Variants in TBCB observed in about 807,000 individuals in gnomAD.
TBCB encodes the protein tubulin-folding cofactor B.
Under a neutral mutation model 29.2 loss-of-function variants are expected in TBCB, and 18 were observed. The ratio of observed to expected loss-of-function variants is 0.62; its 90% CI spans 0.43 to 0.91. The LOEUF (loss-of-function observed/expected upper bound fraction) is 0.91, where lower values mean the gene tolerates loss of function less well. Among genes scored for constraint, TBCB ranks in the 40% least tolerant of loss-of-function variants. The probability of loss-of-function intolerance (pLI) is 0.00; values close to 1 mark genes in which losing one functional copy is unlikely to be tolerated. For synonymous variants in TBCB, 172 were observed against 137.8 expected, an observed-to-expected ratio of 1.25 and a Z score of -1.74; for missense variants, 336 against 337.6, an observed-to-expected ratio of 1.00 and a Z score of 0.04.
Position 36,115,468 on chromosome 19 carries a change from G to A in TBCB, c.-93G>A. On this transcript the variant is annotated 5_prime_UTR_variant, in exon 1 of 6. Coordinates refer to ENST00000221855, the MANE Select transcript of TBCB (RefSeq NM_001281.3). ...GGTCAGGCACGGAGCAGGAGGCGGG[G>A]CTGATAGCCCAGCAGCAGCAGCGGC... The A allele has an allele frequency of 1.0e-6, 1 of 966,316 alleles. No homozygotes were observed. Among genetic ancestry groups the A allele is most frequent in the South Asian group, 1.5e-5 (1 of 65,874 alleles). The allele number at this position is 966,316 out of a possible 1,614,324, so 59.9% of individuals were successfully genotyped here.
intron 4 of TBCB, among the ~76,000 whole-genome samples, chr19:36,123,018 T>C (rs976706334): frequency 6.6e-6 from 1 of 152,148 alleles, no homozygotes; most frequent in Non-Finnish European, 1.5e-5. Context: ...ATTTGCCGAT[T>C]CTGGATGTTT....
chr19:36,118,035 G>A (rs1264069838), intron 2 of TBCB: 2 of 152,160 alleles, frequency 1.3e-5, no homozygotes, highest in Non-Finnish European at 2.9e-5. Context: ...CAAAGTGCTG[G>A]GATTACAGGC....
At position 36,116,210 on chromosome 19, in the gene TBCB, C is replaced by G. The variant is rs200481198; in HGVS notation, c.258+26C>G. 5 of 1,607,740 alleles carry G rather than the reference C, an allele frequency of 3.1e-6. No individual in the cohort carries two copies. The African/African-American group carries it at 6.7e-5, about 21-fold the overall frequency. ...GTGAGGACTCTCTATCTGGGACACTCCCCCACCCCACCTTTCATTTGGTTA... is the reference window on the plus strand; with the variant it reads ...GTGAGGACTCTCTATCTGGGACACTGCCCCACCCCACCTTTCATTTGGTTA... On this transcript the variant is annotated intron_variant, in intron 2 of 5. Coordinates refer to ENST00000221855, the MANE Select transcript of TBCB (RefSeq NM_001281.3).
chr19:36,117,416 C>G (rs1008162772), intron 2 of TBCB, among the ~76,000 whole-genome samples: 2 of 152,224 alleles, frequency 1.3e-5, no homozygotes, highest in Admixed American at 6.5e-5. Context: ...GTGATCTCAG[C>G]TCACTGCAAC....
intron 3 of TBCB, among the ~76,000 whole-genome samples, chr19:36,121,093 G>A (rs1470582458): frequency 6.7e-6 from 1 of 149,810 alleles, no homozygotes; most frequent in Non-Finnish European, 1.5e-5. Flanking sequence ...GTGTTGTCAG[G>A]GTCAGATGGG....
In TBCB at chr19:36,121,566, G is replaced by T; in HGVS notation, c.395G>T (p.Arg132Leu). 1.3e-6 allele frequency: 2 copies of T among 1,559,604 alleles called. No homozygotes were observed. Among genetic ancestry groups the T allele is most frequent in the Non-Finnish European group, 1.7e-6 (2 of 1,153,592 alleles). The change falls in exon 4 of 6, where the codon CGG becomes CTG. Residue 132 changes from arginine (R) to leucine (L), a missense_variant. Arg to Leu is a moderately radical substitution (Grantham distance 102, BLOSUM62 -2). Transcript: ENST00000221855. ...RSFLKRSKLG[R>L]YNEEERAQQE... ...TTCCTGAAGCGCAGCAAGCTCGGCCGGTACAACGAGGAGGAGCGGGCTCAG... is the reference window on the plus strand; with the variant it reads ...TTCCTGAAGCGCAGCAAGCTCGGCCTGTACAACGAGGAGGAGCGGGCTCAG...
rs566547940 is a variant in TBCB, at chr19:36,119,851, A to ACAC, written c.259-852_259-850dup. Among the ~76,000 whole-genome samples, 140 of 151,216 alleles carry ACAC rather than the reference A, an allele frequency of 9.3e-4. 1 individual carries two copies. The East Asian group carries it at 0.019, about 21-fold the overall frequency. ...GCAGAGGTTTCCGTGAGCTGAGATC[A>ACAC]CACCACCACACTCCAGCCTGGGTGA... On this transcript the variant is annotated intron_variant, in intron 2 of 5. Transcript: ENST00000221855.
At chr19:36,115,126 A>T, upstream of TBCB, 1 of 574,256 alleles carries the variant, frequency 1.7e-6, no homozygotes, top group Non-Finnish European at 3.1e-6. Context: ...CAGAGCCGGG[A>T]AAACGATGCG....
At chr19:36,120,876 G>GTAAC in intron 3 of TBCB, 70 bp downstream of exon 3, 1 of 1,454,932 alleles carries the variant, frequency 6.9e-7, no homozygotes, top group Non-Finnish European at 9.6e-7. Flanking sequence ...AGGGCGGGCA[G>GTAAC]GTTAGACAGG....
At chr19:36,118,350 C>T (rs62111381) in intron 2 of TBCB, among the ~76,000 whole-genome samples, 10,790 of 152,064 alleles carry the variant, frequency 0.071, 485 homozygotes, top group Middle Eastern at 0.2. Context: ...GCATCAGTGA[C>T]GTCTGGGAGG....
At chr19:36,122,124 C>A in intron 4 of TBCB, 1 of 281,012 alleles carries the variant, frequency 3.6e-6, no homozygotes. Context: ...GAGGCAGCAG[C>A]CAGGTGAAAA....
At chr19:36,122,571 CAAAAAAAA>C (rs759711385) in intron 4 of TBCB, among the ~76,000 whole-genome samples, 2 of 91,578 alleles carry the variant, frequency 2.2e-5, no homozygotes, top group Non-Finnish European at 4.4e-5. Context: ...CCTGTCTCTA[CAAAAAAAA>C]AAAAAAAAAA....
intron 4 of TBCB, among the ~76,000 whole-genome samples, 183 bp from the exon 5 acceptor site, chr19:36,125,268 C>A (rs117273296): frequency 0.014 from 2,141 of 152,262 alleles, 115 homozygotes; most frequent in South Asian, 0.12. Context: ...GAAGTGGCTA[C>A]CATATTAGTC....
At chr19:36,120,373 A>G (rs967814328) in intron 2 of TBCB, 24 of 263,932 alleles carry the variant, frequency 9.1e-5, no homozygotes, top group African/African-American at 4.8e-4. Context: ...AGGCCCATCG[A>G]GGAGATGCGC....
intron 4 of TBCB, chr19:36,121,971 C>T (rs1974062397): frequency 6.9e-6 from 4 of 578,478 alleles, no homozygotes; most frequent in South Asian, 2.0e-5. Context: ...GCCAGAGGCA[C>T]GCGGCCTGTG....
chr19:36,125,576 T>C, intron 5 of TBCB, 53 bp downstream of exon 5: 2 of 1,612,658 alleles, frequency 1.2e-6, no homozygotes, highest in Non-Finnish European at 1.7e-6. Context: ...TGTAAGTCCA[T>C]GCGTGCTGCT....
chr19:36,120,156 C>T (rs1016369611), intron 2 of TBCB, among the ~76,000 whole-genome samples: 8 of 152,170 alleles, frequency 5.3e-5, no homozygotes, highest in Admixed American at 2.0e-4. Flanking sequence ...TTCATAGGTA[C>T]CTGTTCCTTT....
In TBCB at chr19:36,125,691, A is replaced by G. The variant is rs780672372; in HGVS notation, c.644A>G (p.Glu215Gly). 19 of 1,581,576 alleles carry G rather than the reference A, an allele frequency of 1.2e-5. No individual in the cohort carries two copies. The highest frequency in any genetic ancestry group is 1.6e-5 in the Non-Finnish European group (19 of 1,163,398). ...AGTGTGAATGGGAAACGCTACTTCG[A>G]ATGCCAGGCCAAGTATGGCGCCTTT... is the stretch of plus-strand genomic sequence containing the variant. ...DGSVNGKRYF[E>G]CQAKYGAFVK... Residue 215 changes from glutamate to glycine, a missense_variant, in exon 6 of 6, where the codon GAA (glutamate) becomes GGA (glycine). Coordinates refer to ENST00000221855, the MANE Select transcript of TBCB (RefSeq NM_001281.3).
At chr19:36,121,100 TGGG>T (rs1332035780) in intron 3 of TBCB, among the ~76,000 whole-genome samples, 1 of 14,190 alleles carries the variant, frequency 7.0e-5, no homozygotes, top group Non-Finnish European at 1.3e-4. Context: ...CAGGGTCAGA[TGGG>T]GGCATGGGGC....
Sources: allele counts gnomAD v4.1 joint callset (sites outside exome capture counted in the v4.1 genomes callset), GRCh38; gene constraint gnomAD v4.1.1; transcripts MANE v1.5; gene names NCBI Gene and HGNC (gene_info 2026-07-23, HGNC 2026-07-21).